The following SPAG16 variants were observed in gnomAD, a reference collection of about 807,000 sequenced individuals.
SPAG16 encodes sperm-associated antigen 16 protein.
Under a neutral mutation model 80.4 loss-of-function variants are expected in SPAG16, and 86 were observed. The ratio of observed to expected loss-of-function variants is 1.07; its 90% confidence interval spans 0.90 to 1.28. The LOEUF (loss-of-function observed/expected upper bound fraction) is 1.28, where lower values mean the gene tolerates loss of function less well. SPAG16 is among the 50% of genes most tolerant of loss of function. SPAG16 has a pLI of 0.00. For synonymous variants in SPAG16, 294 were observed against 265.9 expected (o/e 1.11, Z -1.03); for missense variants, 870 against 765.3 (o/e 1.14, Z -1.61).
chr2:214,363,406 T>A (rs1382582302), intron 15 of SPAG16, among the ~76,000 whole-genome samples: 1 of 152,044 alleles, frequency 6.6e-6, no homozygotes, highest in Admixed American at 6.6e-5. Context: ...TTCTGAGACA[T>A]CTCTAGTCTC....
At chr2:214,153,868 T>C (rs1167595300) in intron 15 of SPAG16, among the ~76,000 whole-genome samples, 1 of 152,154 alleles carries the variant, frequency 6.6e-6, no homozygotes, top group Non-Finnish European at 1.5e-5. Context: ...CAGCCTCTCA[T>C]ACATTTAAAA....
At chr2:213,517,554 A>T (rs539591415) in intron 10 of SPAG16, among the ~76,000 whole-genome samples, 1 of 152,336 alleles carries the variant, frequency 6.6e-6, no homozygotes, top group East Asian at 1.9e-4. Context: ...ACCCAATTTC[A>T]AACTATATTA....
intron 15 of SPAG16, among the ~76,000 whole-genome samples, chr2:214,162,186 C>T (rs1237834599): frequency 2.6e-5 from 4 of 152,084 alleles, no homozygotes; most frequent in African/African-American, 9.7e-5. Context: ...CTGGGCTCAG[C>T]CTAATGCCAT....
At chr2:213,408,067 C>G (rs1215330159) in intron 9 of SPAG16, among the ~76,000 whole-genome samples, 1 of 145,784 alleles carries the variant, frequency 6.9e-6, no homozygotes, top group Non-Finnish European at 1.5e-5. Flanking sequence ...GAGGGAGAGG[C>G]AGGAGAGAGA....
intron 10 of SPAG16, among the ~76,000 whole-genome samples, chr2:213,841,992 T>G (rs1017706346): frequency 6.6e-6 from 1 of 152,160 alleles, no homozygotes; most frequent in Admixed American, 6.5e-5. Context: ...ATTTTTAAAT[T>G]TGTAACTAAG....
At chr2:213,728,037 C>A (rs1039965997) in intron 10 of SPAG16, among the ~76,000 whole-genome samples, 2 of 151,944 alleles carry the variant, frequency 1.3e-5, no homozygotes, top group Non-Finnish European at 2.9e-5. Context: ...TTAGTGGAGA[C>A]GAGGTTTCAC....
chr2:213,418,394 T>A (rs2069392859), intron 9 of SPAG16, among the ~76,000 whole-genome samples: 1 of 152,216 alleles, frequency 6.6e-6, no homozygotes, highest in African/African-American at 2.4e-5. Context: ...TCTAGGAGAT[T>A]TCCAGGGCAT....
intron 13 of SPAG16, among the ~76,000 whole-genome samples, chr2:214,060,101 C>T (rs2050178582): frequency 1.3e-5 from 2 of 152,140 alleles, no homozygotes. Flanking sequence ...CTTTGAAAGA[C>T]TACACAAAGC....
At chr2:213,309,259 A>G (rs776179443) in intron 3 of SPAG16, among the ~76,000 whole-genome samples, 2 of 152,108 alleles carry the variant, frequency 1.3e-5, no homozygotes, top group African/African-American at 4.8e-5. Flanking sequence ...GCATCCATAC[A>G]TAATATGTAA....
At chr2:213,841,041 C>G (rs1222990673) in intron 10 of SPAG16, among the ~76,000 whole-genome samples, 1 of 152,116 alleles carries the variant, frequency 6.6e-6, no homozygotes, top group Non-Finnish European at 1.5e-5. Context: ...TTACTGTCAA[C>G]TAATTTATTT....
At chr2:213,740,998 G>A (rs1351576284) in intron 10 of SPAG16, among the ~76,000 whole-genome samples, 1 of 152,040 alleles carries the variant, frequency 6.6e-6, no homozygotes, top group Non-Finnish European at 1.5e-5. Context: ...TTAAAGTTTG[G>A]GGAATTTTAG....
intron 15 of SPAG16, among the ~76,000 whole-genome samples, chr2:214,273,128 T>C (rs1692164061): frequency 6.6e-6 from 1 of 152,240 alleles, no homozygotes; most frequent in Admixed American, 6.5e-5. Flanking sequence ...TGCACACTTT[T>C]TGATGGGGTT....
intron 15 of SPAG16, among the ~76,000 whole-genome samples, chr2:214,307,812 A>G (rs924902833): frequency 4.6e-5 from 7 of 152,036 alleles, no homozygotes; most frequent in African/African-American, 1.2e-4. Flanking sequence ...TTTACTTCCA[A>G]TTATGTATTT....
At position 213,375,086 on chromosome 2, in the gene SPAG16, C is replaced by A. The variant is rs141152673; in HGVS notation, c.909C>A (p.Asn303Lys). 1 of 1,608,250 alleles carries A rather than the reference C, an allele frequency of 6.2e-7. No individual in the cohort carries two copies. Among genetic ancestry groups the A allele is most frequent in the South Asian group, 1.1e-5 (1 of 90,072 alleles). The change falls in exon 9 of 16, where the codon AAC becomes AAA. Residue 303 changes from asparagine to lysine, a missense_variant. Coordinates refer to ENST00000331683, the MANE Select transcript of SPAG16 (RefSeq NM_024532.5). ...GTCTTCGTGAAGCCAGGGAACAAAA[C>A]AAATGTAAAACAAAGATGAAAGGCA... ...QKGLREAREQNKCKTKMKGNT... is the reference protein window; with the variant it reads ...QKGLREAREQKKCKTKMKGNT...
At chr2:213,402,998 G>A (rs1176310795) in intron 9 of SPAG16, among the ~76,000 whole-genome samples, 4 of 151,996 alleles carry the variant, frequency 2.6e-5, no homozygotes, top group Admixed American at 6.5e-5. Context: ...CTGAGGAATC[G>A]CCACACTGAC....
intron 14 of SPAG16, among the ~76,000 whole-genome samples, chr2:214,116,553 C>A (rs1337405736): frequency 6.6e-6 from 1 of 152,126 alleles, no homozygotes; most frequent in African/African-American, 2.4e-5. Flanking sequence ...TGAGAGGGCC[C>A]AGACCACTTG....
At position 214,179,837 on chromosome 2, in the gene SPAG16, C is replaced by G. The variant is rs578182559; in HGVS notation, c.1720+30571C>G. On this transcript the variant is annotated intron_variant, in intron 15 of 15. Transcript: ENST00000331683. ...AAATTTAATTTCAAATCATACTGAA[C>G]ATTATGAGTGGAAAATAAATGGTTT... Among the ~76,000 whole-genome samples the G allele has an allele frequency of 4.6e-5, 7 of 151,444 alleles. No homozygotes were observed. The South Asian group carries it at 1.2e-3, about 27-fold the overall frequency.
At chr2:213,880,445 ATACT>A in intron 11 of SPAG16, among the ~76,000 whole-genome samples, 1 of 152,164 alleles carries the variant, frequency 6.6e-6, no homozygotes, top group Non-Finnish European at 1.5e-5. Context: ...TACTCTGTTG[ATACT>A]TTCTTTTGCT....
intron 9 of SPAG16, among the ~76,000 whole-genome samples, chr2:213,428,040 G>C (rs1411460287): frequency 6.6e-6 from 1 of 152,106 alleles, no homozygotes; most frequent in Non-Finnish European, 1.5e-5. Flanking sequence ...CAGAGTAGAG[G>C]GTTTTCTAGA....
Sources: allele counts gnomAD v4.1 joint callset (sites outside exome capture counted in the v4.1 genomes callset), GRCh38; gene constraint gnomAD v4.1.1; transcripts MANE v1.5; gene names NCBI Gene and HGNC (gene_info 2026-07-23, HGNC 2026-07-21).